Variants in SOAT1 observed in about 807,000 individuals in gnomAD.
SOAT1 encodes the protein acyl-coenzyme A:cholesterol acyltransferase 1.
A neutral mutation model predicts 69.5 loss-of-function variants in SOAT1; 55 were observed. The observed-to-expected ratio is 0.79, with a 90% CI of 0.64 to 0.99. The LOEUF is 0.99. SOAT1 is among the 50% of genes least tolerant of loss of function. The pLI is 0.00. For synonymous variants in SOAT1, 231 were observed against 224.7 expected, an observed-to-expected ratio of 1.03 and a Z score of -0.25; for missense variants, 580 against 669.3, an observed-to-expected ratio of 0.87 and a Z score of 1.47.
intron 2 of SOAT1, among the ~76,000 whole-genome samples, chr1:179,305,719 C>G (rs977225386): frequency 2.0e-5 from 3 of 152,188 alleles, no homozygotes; most frequent in African/African-American, 7.2e-5. Context: ...GTTCCAATTT[C>G]TCCATATCCT....
chr1:179,343,354 A>G (rs1666408373), intron 9 of SOAT1, among the ~76,000 whole-genome samples: 1 of 151,876 alleles, frequency 6.6e-6, no homozygotes, highest in South Asian at 2.1e-4. Context: ...CATCCCAAGT[A>G]GCTGGCATTA....
chr1:179,336,020 C>T (rs549731881), intron 4 of SOAT1, among the ~76,000 whole-genome samples: 6 of 151,872 alleles, frequency 4.0e-5, no homozygotes, highest in Admixed American at 2.6e-4. Context: ...AAAATTTAGC[C>T]GGGCGTGGTG....
Position 179,326,801 on chromosome 1 carries a change from C to G in SOAT1, c.177+3306C>G, listed in dbSNP as rs530231862. Among the ~76,000 whole-genome samples, 5 of 152,062 alleles carry G rather than the reference C, an allele frequency of 3.3e-5. No individual in the cohort carries two copies. In the South Asian group the frequency reaches 8.3e-4, roughly 25 times the overall value. On this transcript the variant is annotated intron_variant, in intron 3 of 15. Coordinates refer to ENST00000367619, the MANE Select transcript of SOAT1 (RefSeq NM_003101.6). Reference sequence around the variant, plus strand: ...TTGGAACTCCTGGCCTCAAATGATCCACCCCACCTCGGCCTCCCAAAGTGC... The same window carrying G: ...TTGGAACTCCTGGCCTCAAATGATCGACCCCACCTCGGCCTCCCAAAGTGC...
At chr1:179,301,560 G>A (rs942007923) in intron 1 of SOAT1, among the ~76,000 whole-genome samples, 3 of 152,194 alleles carry the variant, frequency 2.0e-5, no homozygotes, top group African/African-American at 7.2e-5. Flanking sequence ...GGGCTGTGGT[G>A]TGCATTCCTA....
rs372552467 is a variant in SOAT1, at chr1:179,319,987, C to CG, written c.119-3450_119-3449insG. ...GGATACAAGTCCCTAATCAGATTTG[C>CG]AAATTTTTTTTTTTCCCATTCTATG... On this transcript the variant is annotated intron_variant, in intron 2 of 15. Coordinates refer to ENST00000367619, the MANE Select transcript of SOAT1 (RefSeq NM_003101.6). Among the ~76,000 whole-genome samples, 481 of 151,778 alleles carry CG rather than the reference C, an allele frequency of 3.2e-3. 4 individuals carry two copies. The highest frequency in any genetic ancestry group is 0.011 in the African/African-American group (445 of 41,404).
At chr1:179,324,106 A>G (rs1665699909) in intron 3 of SOAT1, among the ~76,000 whole-genome samples, 1 of 152,224 alleles carries the variant, frequency 6.6e-6, no homozygotes, top group Admixed American at 6.5e-5. Context: ...CAGTTTGACT[A>G]TATAAACATC....
At chr1:179,308,338 TAAAAG>T (rs1314833367) in intron 2 of SOAT1, among the ~76,000 whole-genome samples, 2 of 152,068 alleles carry the variant, frequency 1.3e-5, no homozygotes, top group Non-Finnish European at 2.9e-5. Flanking sequence ...GATGTGGTGA[TAAAAG>T]AAAAAGAAGC....
Position 179,354,724 on chromosome 1 carries a change from T to C in SOAT1, c.*1083T>C, listed in dbSNP as rs1452038730. ...TGTTTTTAGGTGGAATAAATTAATA[T>C]GTGATTGGTTTCAAGGAAATGTACT... On this transcript the variant is annotated 3_prime_UTR_variant, in exon 16 of 16. Coordinates refer to ENST00000367619, the MANE Select transcript of SOAT1 (RefSeq NM_003101.6). 1 of 152,198 alleles carries C rather than the reference T, an allele frequency of 6.6e-6. No homozygotes were observed. Among genetic ancestry groups the C allele is most frequent in the Non-Finnish European group, 1.5e-5 (1 of 68,020 alleles). The allele number at this position is 152,198 out of a possible 1,614,324, so 9.4% of individuals were successfully genotyped here. A position where few individuals can be genotyped will look rare whatever the true frequency, so the allele number is the denominator to read the frequency against.
At chr1:179,337,745 T>C (rs1666206454) in intron 4 of SOAT1, 92 bp from the exon 5 acceptor site, 2 of 823,398 alleles carry the variant, frequency 2.4e-6, no homozygotes, top group Non-Finnish European at 3.8e-6. Flanking sequence ...TAATGTTAGA[T>C]GGTGTTATTG....
At chr1:179,348,347 T>G (rs1177758449) in intron 12 of SOAT1, among the ~76,000 whole-genome samples, 1 of 152,130 alleles carries the variant, frequency 6.6e-6, no homozygotes, top group East Asian at 1.9e-4. Context: ...ATCTTAATAT[T>G]GGGAGCAAGA....
chr1:179,307,557 C>T (rs1284445679), intron 2 of SOAT1, among the ~76,000 whole-genome samples: 1 of 140,862 alleles, frequency 7.1e-6, no homozygotes, highest in South Asian at 2.4e-4. Context: ...ATAGTGAGAC[C>T]CCATCTCTTA....
chr1:179,320,566 A>G (rs1665561219), intron 2 of SOAT1, among the ~76,000 whole-genome samples: 1 of 152,144 alleles, frequency 6.6e-6, no homozygotes, highest in Non-Finnish European at 1.5e-5. Context: ...CTTTAAATCT[A>G]TAGAAAAATT....
At chr1:179,353,296 A>G (rs2125008644) in intron 15 of SOAT1, among the ~76,000 whole-genome samples, 1 of 129,056 alleles carries the variant, frequency 7.7e-6, no homozygotes, top group Non-Finnish European at 1.6e-5. Context: ...ATAAAGATAC[A>G]GAAAGAAATA....
chr1:179,294,072 G>T (rs1664544577), intron 1 of SOAT1, 136 bp downstream of exon 1: 1 of 152,310 alleles, frequency 6.6e-6, no homozygotes, highest in Admixed American at 6.5e-5. Context: ...AGAAGGCGAG[G>T]CTCGGCGACT....
At chr1:179,305,476 G>C (rs1192151681) in intron 2 of SOAT1, among the ~76,000 whole-genome samples, 1 of 134,930 alleles carries the variant, frequency 7.4e-6, no homozygotes, top group Non-Finnish European at 1.6e-5. Context: ...TTGCTTATCT[G>C]TCAGTTGATA....
intron 2 of SOAT1, 120 bp from the exon 3 acceptor site, chr1:179,323,317 G>A (rs1040372525): frequency 8.4e-6 from 6 of 710,220 alleles, no homozygotes; most frequent in Admixed American, 3.1e-5. Flanking sequence ...GTGTTTTATG[G>A]TTGCACCACA....
At chr1:179,316,167 T>C (rs1665385252) in intron 2 of SOAT1, among the ~76,000 whole-genome samples, 1 of 152,188 alleles carries the variant, frequency 6.6e-6, no homozygotes, top group Admixed American at 6.5e-5. Flanking sequence ...ATTCTTAGTT[T>C]CCTCAAAGCC....
chr1:179,298,002 C>CAAA (rs59670155), intron 1 of SOAT1, among the ~76,000 whole-genome samples: 1 of 143,034 alleles, frequency 7.0e-6, no homozygotes. Context: ...AACTCTGTCT[C>CAAA]AAAAAAAAAA....
intron 3 of SOAT1, among the ~76,000 whole-genome samples, chr1:179,327,741 TATTA>T (rs1665839189): frequency 6.9e-6 from 1 of 143,970 alleles, no homozygotes; most frequent in South Asian, 2.2e-4. Context: ...GAGGAGCTCT[TATTA>T]AGTAAGGAAA....
Sources: gnomAD v4.1 joint callset for allele counts (sites outside exome capture counted in the v4.1 genomes callset) on GRCh38, gnomAD v4.1.1 for gene constraint, MANE v1.5 for transcripts, NCBI Gene and HGNC (gene_info 2026-07-23, HGNC 2026-07-21) for gene names.